The following FBXO31 variants were observed in gnomAD, a reference collection of about 807,000 sequenced individuals.
FBXO31 encodes the protein F-box only protein 31.
A neutral mutation model predicts 54.4 loss-of-function variants in FBXO31; 24 were observed. The observed-to-expected ratio is 0.44, with a 90% CI of 0.32 to 0.62. The LOEUF (loss-of-function observed/expected upper bound fraction) is 0.62. Among genes scored for constraint, FBXO31 ranks in the 20% least tolerant of loss-of-function variants. The pLI is 0.05. For synonymous variants in FBXO31, 388 were observed against 335.6 expected (o/e 1.16, Z -1.71); for missense variants, 665 against 787.1 (o/e 0.84, Z 1.86).
At chr16:87,375,145 A>C (rs1906767964) in intron 1 of FBXO31, among the ~76,000 whole-genome samples, 1 of 152,248 alleles carries the variant, frequency 6.6e-6, no homozygotes, top group Admixed American at 6.5e-5. Flanking sequence ...TCTCTACTAA[A>C]AATACAAAAA....
At chr16:87,352,152 C>G (rs1012165931) in intron 2 of FBXO31, among the ~76,000 whole-genome samples, 1 of 152,194 alleles carries the variant, frequency 6.6e-6, no homozygotes, top group African/African-American at 2.4e-5. Context: ...GCCAACACAT[C>G]ACACTGTGCC....
In FBXO31 at chr16:87,337,813, C is replaced by T. The variant is rs185438644; in HGVS notation, c.733-1549G>A. Among the ~76,000 whole-genome samples, 116 of 140,732 alleles carry T rather than the reference C, an allele frequency of 8.2e-4. 1 individual carries two copies. The highest frequency in any genetic ancestry group is 2.9e-3 in the African/African-American group (105 of 36,390). 92.3% of individuals were successfully genotyped at this position (140,732 alleles called of 152,430 possible). On this transcript the variant is annotated intron_variant, in intron 5 of 8. Coordinates refer to ENST00000311635, the MANE Select transcript of FBXO31 (RefSeq NM_024735.5). ...AAATGCAGAACCTGATGTGATGCTA[C>T]CAAACTTCTATTAAAAAAAAAAAAA...
intron 5 of FBXO31, among the ~76,000 whole-genome samples, chr16:87,339,057 T>C (rs1365121649): frequency 6.6e-6 from 1 of 152,160 alleles, no homozygotes; most frequent in African/African-American, 2.4e-5. Context: ...ATTTGAGGCC[T>C]CCCCAGCCAC....
intron 2 of FBXO31, among the ~76,000 whole-genome samples, chr16:87,349,017 G>C (rs1905522874): frequency 6.6e-6 from 1 of 152,206 alleles, no homozygotes; most frequent in South Asian, 2.1e-4. Context: ...CTTCAGTAAA[G>C]ACAGAGACAG....
intron 2 of FBXO31, among the ~76,000 whole-genome samples, chr16:87,348,587 G>A (rs553806443): frequency 1.2e-3 from 182 of 152,252 alleles, no homozygotes; most frequent in Non-Finnish European, 2.2e-3. Flanking sequence ...AACATATAGG[G>A]TGCTTTGTGG....
intron 2 of FBXO31, among the ~76,000 whole-genome samples, chr16:87,349,368 G>T (rs1023360536): frequency 1.3e-5 from 2 of 152,200 alleles, no homozygotes; most frequent in Non-Finnish European, 2.9e-5. Flanking sequence ...TGAAAGGCAG[G>T]GATTGTGGAA....
At position 87,371,472 on chromosome 16, in the gene FBXO31, C is replaced by A. The variant is rs1235979185; in HGVS notation, c.341-11106G>T. 3.3e-5 allele frequency among the ~76,000 whole-genome samples: 5 copies of A among 152,268 alleles called. No homozygotes were observed. In the East Asian group the frequency reaches 7.7e-4, roughly 23 times the overall value. The stretch of plus-strand genomic sequence containing the variant: ...AGTCTGACTCTACAATCCTATCACC[C>A]AGGACCTTCCCGAGATTTCAAATGC... On this transcript the variant is annotated intron_variant, in intron 1 of 8. Transcript: ENST00000311635.
chr16:87,342,134 T>C lies in FBXO31; in HGVS notation c.732+743A>G, dbSNP rs1905214650. Among the ~76,000 whole-genome samples, 3 of 152,166 alleles carry C rather than the reference T, an allele frequency of 2.0e-5. No individual in the cohort carries two copies. In the South Asian group the frequency reaches 6.2e-4, roughly 32 times the overall value. On this transcript the variant is annotated intron_variant, in intron 5 of 8. Transcript: ENST00000311635. ...ACATGGGAGTGCGGTGGTGCGCTCA[T>C]AGCTCACTGCAGTCTCCACCTCCTG...
chr16:87,361,671 G>A (rs1567480875), intron 1 of FBXO31, among the ~76,000 whole-genome samples: 3 of 152,318 alleles, frequency 2.0e-5, no homozygotes, highest in African/African-American at 4.8e-5. Flanking sequence ...CCCTACTCGC[G>A]CAGAGGCCTC....
chr16:87,343,105 A>G (rs1001013009), intron 4 of FBXO31, among the ~76,000 whole-genome samples, 154 bp from the exon 5 acceptor site: 4 of 152,228 alleles, frequency 2.6e-5, no homozygotes, highest in African/African-American at 4.8e-5. Context: ...GTGCCAGCGG[A>G]GGGAGCTGAG....
chr16:87,364,683 C>T (rs934361241), intron 1 of FBXO31, among the ~76,000 whole-genome samples: 4 of 152,076 alleles, frequency 2.6e-5, no homozygotes, highest in Non-Finnish European at 4.4e-5. Flanking sequence ...CAGTGAACTC[C>T]GGGAGGAAAT....
At chr16:87,364,925 T>G (rs1269662778) in intron 1 of FBXO31, among the ~76,000 whole-genome samples, 1 of 145,140 alleles carries the variant, frequency 6.9e-6, no homozygotes, top group Non-Finnish European at 1.5e-5. Flanking sequence ...GAAGATCATC[T>G]GAGTCCAGGA....
In FBXO31 at chr16:87,361,948, G is replaced by T. The variant is rs147167547; in HGVS notation, c.341-1582C>A. On this transcript the variant is annotated intron_variant, in intron 1 of 8. Coordinates refer to ENST00000311635, the MANE Select transcript of FBXO31 (RefSeq NM_024735.5). ...TTGTGGTCTACGGGTCCCCCTTAGC[G>T]GGAGGACCTGGGAAACTACATCCTA... is the stretch of plus-strand genomic sequence containing the variant. Among the ~76,000 whole-genome samples, 20 of 152,348 alleles carry T rather than the reference G, an allele frequency of 1.3e-4. 1 individual carries two copies. In the East Asian group the frequency reaches 3.9e-3, roughly 29 times the overall value.
rs374393863 is a variant in FBXO31 at position 87,334,305 on chromosome 16, T to A, written c.997-19A>T. 4.8e-5 allele frequency: 75 copies of A among 1,549,330 alleles called. No homozygotes were observed. In the African/African-American group the frequency reaches 9.5e-4, roughly 20 times the overall value. On this transcript the variant is annotated intron_variant, in intron 7 of 8. Transcript: ENST00000311635. Reference sequence around the variant, plus strand: ...GGTCGCCCTGTGGAGCAGGTGGCAGTCAGCAGGGCTCAGGCCAGCAGCAGC... The same window carrying A: ...GGTCGCCCTGTGGAGCAGGTGGCAGACAGCAGGGCTCAGGCCAGCAGCAGC...
In FBXO31 at chr16:87,333,911, C is replaced by A; in HGVS notation, c.1372G>T (p.Asp458Tyr). 1 of 1,608,888 alleles carries A rather than the reference C, an allele frequency of 6.2e-7. No individual in the cohort carries two copies. The highest frequency in any genetic ancestry group is 8.5e-7 in the Non-Finnish European group (1 of 1,177,240). ...LPVGVSSRNE[D>Y]YPRTCRMCFY... ...CACATCCTGCAGGTTCGGGGGTAGT[C>A]CTCATTCCTGGAGCTCACGCCCACG... is the stretch of plus-strand genomic sequence containing the variant. The change falls in exon 8 of 9, where the codon GAC (aspartate) becomes TAC (tyrosine). Residue 458 changes from aspartate (D) to tyrosine (Y), a missense_variant. Asp to Tyr is a radical substitution (Grantham distance 160). Coordinates refer to ENST00000311635, the MANE Select transcript of FBXO31 (RefSeq NM_024735.5).
chr16:87,362,947 A>T (rs1906200090), intron 1 of FBXO31, among the ~76,000 whole-genome samples: 1 of 152,234 alleles, frequency 6.6e-6, no homozygotes, highest in Non-Finnish European at 1.5e-5. Flanking sequence ...CCTGGGGACC[A>T]GGACCTTTGT....
intron 1 of FBXO31, among the ~76,000 whole-genome samples, chr16:87,376,186 A>G (rs1249514932): frequency 6.6e-6 from 1 of 152,168 alleles, no homozygotes; most frequent in Non-Finnish European, 1.5e-5. Context: ...TATCTGAAGC[A>G]TTAAAAGACA....
At chr16:87,349,036 C>T (rs1905524078) in intron 2 of FBXO31, among the ~76,000 whole-genome samples, 1 of 152,240 alleles carries the variant, frequency 6.6e-6, no homozygotes, top group Admixed American at 6.5e-5. Flanking sequence ...AGGAAACATT[C>T]ATACATGGGG....
chr16:87,389,832 G>T (rs1907459580), exon 1 of FBXO31: 1 of 152,152 alleles, frequency 6.6e-6, no homozygotes, highest in South Asian at 2.1e-4. Context: ...AGCTTCAGAG[G>T]TTAAAAATTT....
Sources: gnomAD v4.1 joint callset for allele counts (sites outside exome capture counted in the v4.1 genomes callset) on GRCh38, gnomAD v4.1.1 for gene constraint, MANE v1.5 for transcripts, NCBI Gene and HGNC (gene_info 2026-07-23, HGNC 2026-07-21) for gene names.